The following CTH variants were observed in gnomAD, a reference collection of about 807,000 sequenced individuals.
The protein encoded by CTH is cystathionase (cystathionine gamma-lyase).
A neutral mutation model predicts 50.6 loss-of-function variants in CTH; 41 were observed. The ratio of observed to expected loss-of-function variants is 0.81; its 90% CI spans 0.63 to 1.05. The LOEUF (loss-of-function observed/expected upper bound fraction) is 1.05, where lower values mean the gene tolerates loss of function less well. Ranked by LOEUF, CTH falls within the 50% of genes least tolerant of loss-of-function variation. CTH has a pLI of 0.00. For missense variants in CTH, 470 were observed against 492.6 expected, an observed-to-expected ratio of 0.95 and a Z score of 0.43; for synonymous variants, 156 against 168.9, an observed-to-expected ratio of 0.92 and a Z score of 0.59.
chr1:70,426,383 A>G (rs1432278126), intron 5 of CTH, among the ~76,000 whole-genome samples: 1 of 152,042 alleles, frequency 6.6e-6, no homozygotes, highest in African/African-American at 2.4e-5. Context: ...GTTCCTGAAA[A>G]CCAGCTCATT....
chr1:70,439,218 T>A lies in CTH; in HGVS notation c.*91T>A, dbSNP rs1684667408. 1 of 1,247,634 alleles carries A rather than the reference T, an allele frequency of 8.0e-7. No individual in the cohort carries two copies. The allele number at this position is 1,247,634 out of a possible 1,614,324, so 77.3% of individuals were successfully genotyped here. On this transcript the variant is annotated 3_prime_UTR_variant, in exon 12 of 12. Transcript: ENST00000370938. ...ACCAACAATGAGCCTTTGCAAAATT[T>A]TCAAGCGGAAATTTTAAGGCACCTC...
chr1:70,432,653 C>A (rs1038454679), intron 8 of CTH, among the ~76,000 whole-genome samples: 1 of 148,826 alleles, frequency 6.7e-6, no homozygotes, highest in African/African-American at 2.5e-5. Flanking sequence ...ATATTAGGTG[C>A]TAAAATTCCC....
At chr1:70,428,264 C>T (rs1383396018) in intron 5 of CTH, among the ~76,000 whole-genome samples, 2 of 151,860 alleles carry the variant, frequency 1.3e-5, no homozygotes, top group Non-Finnish European at 2.9e-5. Flanking sequence ...AGAGGATGGT[C>T]AATGGGTACA....
rs185504917 is a variant in CTH, at chr1:70,420,118, G to A, written c.347-1448G>A. 4.2e-3 allele frequency among the ~76,000 whole-genome samples: 640 copies of A among 151,004 alleles called. 1 individual carries two copies. Among genetic ancestry groups the A allele is most frequent in the Non-Finnish European group, 6.7e-3 (455 of 67,830 alleles). On this transcript the variant is annotated intron_variant, in intron 3 of 11. Transcript: ENST00000370938. ...AGCGATTCTCCTGTCTCAGCCTCCC[G>A]AGTAGCTGGGATTACAGGCATGTGC...
At position 70,427,872 on chromosome 1, in the gene CTH, C is replaced by A. The variant is rs546311222; in HGVS notation, c.589-1922C>A. ...GGATTACAGGTTTCCACCACCACCC[C>A]CCGCTAATTTTTGTATTTTTAGTAG... On this transcript the variant is annotated intron_variant, in intron 5 of 11. Transcript: ENST00000370938. Among the ~76,000 whole-genome samples the A allele has an allele frequency of 2.4e-3, 361 of 152,122 alleles. 3 individuals are homozygous for A. The highest frequency in any genetic ancestry group is 4.1e-3 in the Admixed American group (63 of 15,284).
At chr1:70,417,133 A>G (rs1346661898) in intron 2 of CTH, among the ~76,000 whole-genome samples, 1 of 152,102 alleles carries the variant, frequency 6.6e-6, no homozygotes, top group African/African-American at 2.4e-5. Context: ...TTTTTTAATG[A>G]AGAGAGTCTT....
chr1:70,413,739 CTT>C (rs765540452), intron 1 of CTH, among the ~76,000 whole-genome samples: 37 of 118,176 alleles, frequency 3.1e-4, no homozygotes, highest in South Asian at 2.9e-4. Context: ...TGCTTAATAT[CTT>C]TTTTTTTTTT....
At chr1:70,434,049 C>T (rs1469182002) in intron 9 of CTH, 100 bp downstream of exon 9, 1 of 1,562,136 alleles carries the variant, frequency 6.4e-7, no homozygotes, top group African/African-American at 1.4e-5. Context: ...TTTGTATCTG[C>T]AGGTTACACT....
chr1:70,439,209 TG>T lies in CTH; in HGVS notation c.*83del. 7.4e-7 allele frequency: 1 copy of T among 1,354,212 alleles called. No individual in the cohort carries two copies. Among genetic ancestry groups the T allele is most frequent in the Middle Eastern group, 1.8e-4 (1 of 5,568 alleles). 83.9% of individuals were successfully genotyped at this position (1,354,212 alleles called of 1,614,324 possible). A position where few individuals can be genotyped will look rare whatever the true frequency, so the allele number is the denominator to read the frequency against. On this transcript the variant is annotated 3_prime_UTR_variant, in exon 12 of 12. Coordinates refer to ENST00000370938, the MANE Select transcript of CTH (RefSeq NM_001902.6). The stretch of plus-strand genomic sequence containing the variant: ...ATTAAATGGACCAACAATGAGCCTT[TG>T]CAAAATTTTCAAGCGGAAATTTTAA...
chr1:70,418,089 GA>G, intron 3 of CTH, 57 bp downstream of exon 3: 1 of 1,578,702 alleles, frequency 6.3e-7, no homozygotes, highest in Non-Finnish European at 8.7e-7. Context: ...ATAATAAAGT[GA>G]GCCCTGAATT....
At position 70,432,294 on chromosome 1, in the gene CTH, C is replaced by T. The variant is rs1419084419; in HGVS notation, c.877+59C>T. 1.4e-5 allele frequency: 22 copies of T among 1,585,176 alleles called. No individual in the cohort carries two copies. The Admixed American group carries it at 1.5e-4, about 11-fold the overall frequency. ...GGATTTCAGCAGTTATCCTGAGCAT[C>T]GTGTTTATGTAACATTTATTTGTAA... On this transcript the variant is annotated intron_variant, in intron 8 of 11. Coordinates refer to ENST00000370938, the MANE Select transcript of CTH (RefSeq NM_001902.6).
intron 5 of CTH, among the ~76,000 whole-genome samples, chr1:70,425,527 T>C (rs1010526943): frequency 1.3e-5 from 2 of 152,208 alleles, no homozygotes; most frequent in South Asian, 2.1e-4. Context: ...CTCACACTGC[T>C]ATAAAGAAAT....
At chr1:70,424,442 A>ATTT in intron 5 of CTH, 26 bp downstream of exon 5, 1 of 1,613,430 alleles carries the variant, frequency 6.2e-7, no homozygotes, top group Non-Finnish European at 8.5e-7. Flanking sequence ...TTTTTTTGGC[A>ATTT]CAATTAGTAG....
rs752418879 is a variant in CTH at position 70,432,072 on chromosome 1, T to C, written c.725-11T>C. Reference sequence around the variant, plus strand: ...GCCTTCAAACTTATCCAGGATGTGTTCATTTTGCAGCTCTTGGAGCAGTTC... The same window carrying C: ...GCCTTCAAACTTATCCAGGATGTGTCCATTTTGCAGCTCTTGGAGCAGTTC... On this transcript the variant is annotated splice_polypyrimidine_tract_variant and intron_variant, in intron 7 of 11. Transcript: ENST00000370938. 4 of 1,613,922 alleles carry C rather than the reference T, an allele frequency of 2.5e-6. No individual in the cohort carries two copies. Among genetic ancestry groups the C allele is most frequent in the East Asian group, 4.5e-5 (2 of 44,878 alleles).
intron 8 of CTH, 27 bp downstream of exon 8, chr1:70,432,262 T>G: frequency 6.2e-7 from 1 of 1,613,100 alleles, no homozygotes; most frequent in Non-Finnish European, 8.5e-7. Context: ...TCTAAGCAGA[T>G]CTACTAGGAT....
intron 1 of CTH, among the ~76,000 whole-genome samples, chr1:70,413,559 C>T (rs938784907): frequency 1.3e-5 from 2 of 151,386 alleles, no homozygotes; most frequent in Non-Finnish European, 2.9e-5. Flanking sequence ...CCACGGCGCC[C>T]GGCTCACAGC....
intron 8 of CTH, among the ~76,000 whole-genome samples, chr1:70,432,498 G>T (rs1326890782): frequency 6.6e-6 from 1 of 152,022 alleles, no homozygotes; most frequent in East Asian, 1.9e-4. Context: ...TTCCTGTGGT[G>T]GTCTGTGATT....
intron 5 of CTH, among the ~76,000 whole-genome samples, chr1:70,428,598 A>ATTTTT (rs1684398296): frequency 6.7e-6 from 1 of 150,136 alleles, no homozygotes; most frequent in East Asian, 2.0e-4. Flanking sequence ...AGTTTCAGAC[A>ATTTTT]TATTTATTTA....
chr1:70,431,482 A>T (rs2101752520), intron 7 of CTH, among the ~76,000 whole-genome samples: 1 of 152,338 alleles, frequency 6.6e-6, no homozygotes, highest in East Asian at 1.9e-4. Flanking sequence ...TGCTTAGTTT[A>T]TCTCCAGTAT....
Sources: allele counts gnomAD v4.1 joint callset (sites outside exome capture counted in the v4.1 genomes callset), GRCh38; gene constraint gnomAD v4.1.1; transcripts MANE v1.5; gene names NCBI Gene and HGNC (gene_info 2026-07-23, HGNC 2026-07-21).